The following PXDNL variants were observed in gnomAD, a reference collection of about 807,000 sequenced individuals.
PXDNL encodes peroxidasin like.
A neutral mutation model predicts 150.8 loss-of-function variants in PXDNL; 145 were observed. That is an observed-to-expected ratio of 0.96 (90% CI 0.84 to 1.10). The LOEUF (loss-of-function observed/expected upper bound fraction) is 1.10. Ranked by LOEUF, PXDNL falls within the 50% of genes least tolerant of loss-of-function variation. The pLI is 0.00. For missense variants in PXDNL, 2,087 were observed against 1,873.9 expected, an observed-to-expected ratio of 1.11 and a Z score of -2.10; for synonymous variants, 757 against 725.7, an observed-to-expected ratio of 1.04 and a Z score of -0.69.
At chr8:51,731,737 T>G (rs1816937272) in intron 1 of PXDNL, among the ~76,000 whole-genome samples, 1 of 152,224 alleles carries the variant, frequency 6.6e-6, no homozygotes, top group South Asian at 2.1e-4. Context: ...TTAACTTCTG[T>G]GGACTCACAT....
intron 1 of PXDNL, among the ~76,000 whole-genome samples, chr8:51,776,195 C>T (rs1051451367): frequency 3.9e-5 from 6 of 152,192 alleles, no homozygotes; most frequent in African/African-American, 1.4e-4. Context: ...ACTTCATTAG[C>T]AATTTTAATT....
At chr8:51,576,452 G>A (rs552662974) in intron 3 of PXDNL, among the ~76,000 whole-genome samples, 1 of 151,632 alleles carries the variant, frequency 6.6e-6, no homozygotes, top group South Asian at 2.1e-4. Context: ...TCTGAAAAGA[G>A]CTAAAAAAAA....
intron 4 of PXDNL, among the ~76,000 whole-genome samples, chr8:51,533,414 A>C (rs57483582): frequency 0.015 from 2,217 of 150,370 alleles, 32 homozygotes; most frequent in African/African-American, 0.034. Flanking sequence ...GCCTCCCAAA[A>C]TGTTGGGATT....
At chr8:51,416,646 C>A (rs941244535) in intron 14 of PXDNL, among the ~76,000 whole-genome samples, 6 of 152,190 alleles carry the variant, frequency 3.9e-5, no homozygotes, top group African/African-American at 1.4e-4. Context: ...AATCTGTATC[C>A]TCACATGATT....
At chr8:51,706,035 G>T (rs112688223) in intron 1 of PXDNL, among the ~76,000 whole-genome samples, 5,364 of 152,330 alleles carry the variant, frequency 0.035, 151 homozygotes, top group Non-Finnish European at 0.054. Context: ...ACTTGGCGGG[G>T]TGCAGTGGCT....
chr8:51,579,715 A>C (rs2130622241), intron 3 of PXDNL, among the ~76,000 whole-genome samples: 1 of 152,250 alleles, frequency 6.6e-6, no homozygotes, highest in South Asian at 2.1e-4. Context: ...GAAACTGGAA[A>C]TAACTCAGAT....
chr8:51,347,576 A>G (rs1241321753), intron 19 of PXDNL, among the ~76,000 whole-genome samples: 1 of 152,212 alleles, frequency 6.6e-6, no homozygotes, highest in African/African-American at 2.4e-5. Context: ...ATCCAAACAC[A>G]GTTCACTGAA....
intron 19 of PXDNL, among the ~76,000 whole-genome samples, chr8:51,351,542 C>G (rs962224499): frequency 6.6e-6 from 1 of 152,208 alleles, no homozygotes; most frequent in Non-Finnish European, 1.5e-5. Flanking sequence ...ATCTTAGACT[C>G]CCAGCCTCTG....
At chr8:51,354,094 C>A (rs552938575) in intron 19 of PXDNL, among the ~76,000 whole-genome samples, 7 of 152,138 alleles carry the variant, frequency 4.6e-5, no homozygotes, top group African/African-American at 1.7e-4. Context: ...CTTTAAACTC[C>A]ACATTGTTGG....
chr8:51,694,507 AAG>A (rs1199817020), intron 1 of PXDNL, among the ~76,000 whole-genome samples: 2 of 152,238 alleles, frequency 1.3e-5, no homozygotes, highest in African/African-American at 4.8e-5. Context: ...CCCTTCATCA[AAG>A]AGAGCTGCTG....
intron 1 of PXDNL, among the ~76,000 whole-genome samples, chr8:51,805,267 T>C (rs900030316): frequency 6.6e-6 from 1 of 151,578 alleles, no homozygotes; most frequent in African/African-American, 2.4e-5. Flanking sequence ...CAAAAAATTT[T>C]GTAACAAAGG....
chr8:51,434,917 G>C (rs1809353944), intron 12 of PXDNL, among the ~76,000 whole-genome samples: 2 of 152,128 alleles, frequency 1.3e-5, no homozygotes, highest in South Asian at 4.1e-4. Flanking sequence ...GATATATAAT[G>C]ATTGAACATC....
At position 51,644,650 on chromosome 8, in the gene PXDNL, G is replaced by A. The variant is rs373291187; in HGVS notation, c.236+10039C>T. Among the ~76,000 whole-genome samples, 491 of 151,366 alleles carry A rather than the reference G, an allele frequency of 3.2e-3. 2 individuals are homozygous for A. The highest frequency in any genetic ancestry group is 0.011 in the African/African-American group (460 of 41,324). On this transcript the variant is annotated intron_variant, in intron 2 of 22. Transcript: ENST00000356297. ...ATTTTTGTATTTTTAGTAGAGATGG[G>A]GTTTCACCGTGTTAGCCAGGATGGT... is the stretch of plus-strand genomic sequence containing the variant.
chr8:51,586,626 T>C (rs1333087197), intron 3 of PXDNL, among the ~76,000 whole-genome samples: 1 of 152,164 alleles, frequency 6.6e-6, no homozygotes, highest in East Asian at 1.9e-4. Flanking sequence ...TTGCCTAATA[T>C]TTCAAAAAAA....
chr8:51,543,726 A>AG (rs1289803503), intron 4 of PXDNL, among the ~76,000 whole-genome samples: 1 of 150,628 alleles, frequency 6.6e-6, no homozygotes, highest in Admixed American at 6.6e-5. Context: ...AAAAAAAAAA[A>AG]AAAAAGAAAG....
At position 51,708,622 on chromosome 8, in the gene PXDNL, C is replaced by T. The variant is rs113335574; in HGVS notation, c.165-53862G>A. On this transcript the variant is annotated intron_variant, in intron 1 of 22. Transcript: ENST00000356297. ...ATAAAAATCAGAGAGCTCATAGATACGGAAGAAAAATAATGGAGACCCTTT... is the reference window on the plus strand; with the variant it reads ...ATAAAAATCAGAGAGCTCATAGATATGGAAGAAAAATAATGGAGACCCTTT... Among the ~76,000 whole-genome samples the T allele has an allele frequency of 3.3e-3, 498 of 151,980 alleles. 4 individuals are homozygous for T. The highest frequency in any genetic ancestry group is 0.012 in the African/African-American group (478 of 41,438).
chr8:51,401,492 T>C (rs941789270), intron 17 of PXDNL, among the ~76,000 whole-genome samples: 43 of 152,252 alleles, frequency 2.8e-4, no homozygotes, highest in African/African-American at 9.9e-4. Flanking sequence ...TACCCTTCTG[T>C]GACGTAAAGA....
intron 1 of PXDNL, among the ~76,000 whole-genome samples, chr8:51,802,011 C>T (rs1448018611): frequency 6.6e-6 from 1 of 152,044 alleles, no homozygotes; most frequent in Non-Finnish European, 1.5e-5. Flanking sequence ...TCTTGGAAAT[C>T]ATTTGCACAA....
intron 12 of PXDNL, among the ~76,000 whole-genome samples, chr8:51,429,681 T>C (rs1293454794): frequency 6.9e-6 from 1 of 145,974 alleles, no homozygotes; most frequent in South Asian, 2.2e-4. Flanking sequence ...GTTCTTTTTT[T>C]CCTTTCTTTT....
Sources: gnomAD v4.1 joint callset for allele counts (sites outside exome capture counted in the v4.1 genomes callset) on GRCh38, gnomAD v4.1.1 for gene constraint, MANE v1.5 for transcripts, NCBI Gene and HGNC (gene_info 2026-07-23, HGNC 2026-07-21) for gene names.